ROR1: variants seen among roughly 807,000 people sequenced by gnomAD.
ROR1 encodes inactive tyrosine-protein kinase transmembrane receptor ROR1.
ROR1 carries 19 observed loss-of-function variants against 78.8 expected under a neutral mutation model. That is an observed-to-expected ratio of 0.24 (90% CI 0.17 to 0.35). The LOEUF (loss-of-function observed/expected upper bound fraction) is 0.35, where lower values mean the gene tolerates loss of function less well. ROR1 is among the 10% of genes least tolerant of loss of function. ROR1 has a pLI of 1.00. For synonymous variants in ROR1, 386 were observed against 433.6 expected (o/e 0.89, Z 1.36); for missense variants, 917 against 1,177.8 (o/e 0.78, Z 3.24).
intron 1 of ROR1, among the ~76,000 whole-genome samples, chr1:63,888,184 C>T (rs1345015000): frequency 6.6e-6 from 1 of 152,100 alleles, no homozygotes; most frequent in Non-Finnish European, 1.5e-5. Context: ...TATTTTATTA[C>T]CTTTTAAATA....
In ROR1 at chr1:63,884,216, G is replaced by T. The variant is rs564818597; in HGVS notation, c.91+109708G>T. Among the ~76,000 whole-genome samples, 3 of 152,152 alleles carry T rather than the reference G, an allele frequency of 2.0e-5. 1 individual carries two copies. The highest frequency in any genetic ancestry group is 4.1e-4 in the South Asian group (2 of 4,826). On this transcript the variant is annotated intron_variant, in intron 1 of 8. Transcript: ENST00000371079. ...ATGTCCCCTCTTGGGTGATTCCCAC[G>T]TGGAGGGTGGTGCCACTGGGCTTGG...
At chr1:64,126,874 A>T (rs1569816646) in intron 4 of ROR1, among the ~76,000 whole-genome samples, 1 of 152,012 alleles carries the variant, frequency 6.6e-6, no homozygotes, top group South Asian at 2.1e-4. Context: ...CCTGGGAGGG[A>T]TCTTTTTCTG....
At chr1:64,040,068 G>A (rs1482397946) in intron 2 of ROR1, among the ~76,000 whole-genome samples, 1 of 152,192 alleles carries the variant, frequency 6.6e-6, no homozygotes, top group Non-Finnish European at 1.5e-5. Context: ...GATGGGAAAA[G>A]CTTCAAGTGA....
chr1:64,009,194 C>T, intron 1 of ROR1, 111 bp from the exon 2 acceptor site: 1 of 816,644 alleles, frequency 1.2e-6, no homozygotes, highest in Non-Finnish European at 2.1e-6. Flanking sequence ...GCCGTGGTCT[C>T]TCTCCAAAGG....
intron 8 of ROR1, among the ~76,000 whole-genome samples, chr1:64,165,539 T>G (rs1650062317): frequency 6.6e-6 from 1 of 152,134 alleles, no homozygotes; most frequent in Non-Finnish European, 1.5e-5. Flanking sequence ...ATAGTTTCTT[T>G]TGCTGTGCAG....
intron 8 of ROR1, among the ~76,000 whole-genome samples, chr1:64,160,151 T>C (rs1183505875): frequency 6.6e-6 from 1 of 152,180 alleles, no homozygotes; most frequent in Non-Finnish European, 1.5e-5. Flanking sequence ...ATTATTCTTT[T>C]GATCCTCATA....
rs1647120913 is a variant in ROR1, at chr1:64,083,494, T to C, written c.482+32778T>C. 2.2e-5 allele frequency among the ~76,000 whole-genome samples: 3 copies of C among 137,830 alleles called. No homozygotes were observed. In the South Asian group the frequency reaches 7.1e-4, roughly 33 times the overall value. 90.4% of individuals were successfully genotyped at this position (137,830 alleles called of 152,430 possible). ...TGTCCATGAATGAGAGGAGGGAAAT[T>C]GAGCTAATTAGAGTAATAATTTCCA... On this transcript the variant is annotated intron_variant, in intron 4 of 8. Transcript: ENST00000371079.
intron 4 of ROR1, among the ~76,000 whole-genome samples, chr1:64,090,657 C>A (rs1443136343): frequency 6.6e-6 from 1 of 152,170 alleles, no homozygotes; most frequent in Non-Finnish European, 1.5e-5. Flanking sequence ...CTTGATTACA[C>A]AGAGGAAGAA....
chr1:63,787,258 A>T (rs909303645), intron 1 of ROR1, among the ~76,000 whole-genome samples: 2 of 152,082 alleles, frequency 1.3e-5, no homozygotes, highest in African/African-American at 4.8e-5. Context: ...CTCACCTTCC[A>T]CCAGTATTCT....
chr1:63,869,680 T>A (rs969213090), intron 1 of ROR1, among the ~76,000 whole-genome samples: 12 of 152,230 alleles, frequency 7.9e-5, no homozygotes, highest in African/African-American at 2.9e-4. Flanking sequence ...GTAGTTGTAA[T>A]CTTGCTGGTC....
At position 63,991,151 on chromosome 1, in the gene ROR1, A is replaced by G. The variant is rs148258098; in HGVS notation, c.92-18154A>G. On this transcript the variant is annotated intron_variant, in intron 1 of 8. Transcript: ENST00000371079. ...TTTTTTGTAGAGTCAGGGTCTCACT[A>G]TGCTATCTAAGCTGGTCTTGAACTC... is the stretch of plus-strand genomic sequence containing the variant. Among the ~76,000 whole-genome samples the G allele has an allele frequency of 4.3e-3, 659 of 152,094 alleles. 1 individual carries two copies. Among genetic ancestry groups the G allele is most frequent in the Non-Finnish European group, 5.9e-3 (403 of 67,988 alleles).
intron 1 of ROR1, among the ~76,000 whole-genome samples, chr1:63,831,874 G>C (rs687937): frequency 0.35 from 52,615 of 152,118 alleles, 12,577 homozygotes; most frequent in African/African-American, 0.69. Flanking sequence ...CAGACCATCT[G>C]TCTGTGAATG....
At chr1:63,920,984 C>A (rs1203446559) in intron 1 of ROR1, among the ~76,000 whole-genome samples, 1 of 152,124 alleles carries the variant, frequency 6.6e-6, no homozygotes, top group East Asian at 1.9e-4. Flanking sequence ...ATTTAACTCT[C>A]CAGAAGAGGG....
intron 7 of ROR1, among the ~76,000 whole-genome samples, chr1:64,145,193 G>A (rs1649441954): frequency 6.6e-6 from 1 of 152,098 alleles, no homozygotes; most frequent in African/African-American, 2.4e-5. Context: ...GGAGTAGGGA[G>A]GTTATAAGAG....
intron 4 of ROR1, among the ~76,000 whole-genome samples, chr1:64,130,667 G>T (rs1343073113): frequency 6.6e-6 from 1 of 152,204 alleles, no homozygotes; most frequent in Admixed American, 6.5e-5. Context: ...AGAAGAGGAA[G>T]GAGGTAGGTT....
At chr1:64,148,097 A>G (rs558142562) in intron 7 of ROR1, among the ~76,000 whole-genome samples, 1 of 152,212 alleles carries the variant, frequency 6.6e-6, no homozygotes, top group Non-Finnish European at 1.5e-5. Flanking sequence ...AGTAATTATC[A>G]TTTATTGTAT....
chr1:63,931,443 C>A (rs540420424), intron 1 of ROR1, among the ~76,000 whole-genome samples: 2 of 152,286 alleles, frequency 1.3e-5, no homozygotes, highest in East Asian at 3.9e-4. Context: ...CATCTCAGAA[C>A]CTCGAGTACA....
At chr1:63,898,524 G>A (rs939984516) in intron 1 of ROR1, among the ~76,000 whole-genome samples, 2 of 149,212 alleles carry the variant, frequency 1.3e-5, no homozygotes, top group Non-Finnish European at 1.5e-5. Flanking sequence ...GAAAGAAAAA[G>A]AAGAGAAAGA....
chr1:63,855,075 G>T (rs1645140098), intron 1 of ROR1, among the ~76,000 whole-genome samples: 1 of 151,882 alleles, frequency 6.6e-6, no homozygotes, highest in Non-Finnish European at 1.5e-5. Flanking sequence ...GGATATGGAG[G>T]GCTGACTATA....
Sources: gnomAD v4.1 joint callset for allele counts (sites outside exome capture counted in the v4.1 genomes callset) on GRCh38, gnomAD v4.1.1 for gene constraint, MANE v1.5 for transcripts, NCBI Gene and HGNC (gene_info 2026-07-23, HGNC 2026-07-21) for gene names.